NUDC: variants seen among roughly 807,000 people sequenced by gnomAD.
The protein encoded by NUDC is nuclear distribution C, dynein complex regulator.
Under a neutral mutation model 45.0 loss-of-function variants are expected in NUDC, and 14 were observed. The observed-to-expected ratio is 0.31, with a 90% CI of 0.21 to 0.49. The LOEUF (loss-of-function observed/expected upper bound fraction) is 0.49. Ranked by LOEUF, NUDC falls within the 20% of genes least tolerant of loss-of-function variation. The probability of loss-of-function intolerance (pLI) is 0.99; values close to 1 mark genes in which losing one functional copy is unlikely to be tolerated. For synonymous variants in NUDC, 153 were observed against 156.7 expected, an observed-to-expected ratio of 0.98 and a Z score of 0.17; for missense variants, 323 against 426.2, an observed-to-expected ratio of 0.76 and a Z score of 2.13.
chr1:26,914,044 C>A (rs1353950905), intron 3 of NUDC: 2 of 944,644 alleles, frequency 2.1e-6, no homozygotes, highest in Admixed American at 3.5e-5. Flanking sequence ...GCCCAACAAC[C>A]TTGACTCCAG....
Position 26,921,878 on chromosome 1 carries a change from C to G in NUDC, c.30C>G (p.Phe10Leu). MGGEQEEER[F>L]DGMLLAMAQQ... ...GCGGAGAGCAGGAGGAGGAGCGGTT[C>G]GACGGCATGTTGCTGGCCATGGCTC... The change falls in exon 1 of 9, where the codon TTC becomes TTG. Residue 10 changes from phenylalanine (F) to leucine (L), a missense_variant. Around this residue, in one of 3 missense-constraint regions of NUDC, gnomAD observed 24 missense variants for 47.2 expected, o/e 0.51. Transcript: ENST00000321265. 1 of 1,555,122 alleles carries G rather than the reference C, an allele frequency of 6.4e-7. No homozygotes were observed. The highest frequency in any genetic ancestry group is 8.7e-7 in the Non-Finnish European group (1 of 1,149,410).
chr1:26,945,495 G>T (rs1234307434), intron 7 of NUDC, 22 bp downstream of exon 7: 1 of 1,613,466 alleles, frequency 6.2e-7, no homozygotes. Context: ...CTGGTTGGGG[G>T]AGCTTCAGCA....
intron 2 of NUDC, among the ~76,000 whole-genome samples, chr1:26,930,185 G>T (rs563156692): frequency 1.3e-5 from 2 of 152,168 alleles, no homozygotes; most frequent in East Asian, 3.9e-4. Context: ...GTTTTGTTTT[G>T]AGACAGGGTC....
At chr1:26,927,204 GGGTCT>G (rs1374565073) in intron 2 of NUDC, among the ~76,000 whole-genome samples, 1 of 136,252 alleles carries the variant, frequency 7.3e-6, no homozygotes, top group African/African-American at 2.9e-5. Context: ...GTGTGTGTCA[GGGTCT>G]TGCTCTGTTG....
chr1:26,921,668 C>T (rs565076653), upstream of NUDC: 21 of 663,412 alleles, frequency 3.2e-5, no homozygotes, highest in Non-Finnish European at 5.0e-5. Flanking sequence ...TGGCCGCAAA[C>T]CGGGAGGAAG....
chr1:26,925,565 T>G (rs1320511984), intron 2 of NUDC, among the ~76,000 whole-genome samples: 28 of 136,186 alleles, frequency 2.1e-4, no homozygotes, highest in South Asian at 7.0e-4. Context: ...AAAAAAGAAA[T>G]AAATTTAGAA....
intron 3 of NUDC, chr1:26,911,458 C>T (rs1265164585): frequency 5.8e-6 from 2 of 344,572 alleles, no homozygotes; most frequent in Non-Finnish European, 5.7e-6. Context: ...CAGTCCCTTC[C>T]ATATGCACAA....
chr1:26,918,022 A>G (rs1423161850), upstream of NUDC, among the ~76,000 whole-genome samples: 1 of 152,154 alleles, frequency 6.6e-6, no homozygotes, highest in Non-Finnish European at 1.5e-5. Flanking sequence ...ATTTATTTCT[A>G]TAATTATACA....
At chr1:26,945,742 CG>C in intron 8 of NUDC, 56 bp downstream of exon 8, 1 of 1,252,782 alleles carries the variant, frequency 8.0e-7, no homozygotes, top group Non-Finnish European at 1.2e-6. Flanking sequence ...GCTTAGACTT[CG>C]GTGACAGCAG....
At chr1:26,936,167 T>TATATA (rs1557678406) in intron 2 of NUDC, among the ~76,000 whole-genome samples, 8 of 3,006 alleles carry the variant, frequency 2.7e-3, no homozygotes, top group East Asian at 9.8e-3. Flanking sequence ...ATATATATAT[T>TATATA]TTTTTTTTTT....
chr1:26,913,154 C>A (rs780487361), intron 3 of NUDC, among the ~76,000 whole-genome samples: 6 of 152,146 alleles, frequency 3.9e-5, no homozygotes, highest in Non-Finnish European at 8.8e-5. Context: ...GGAGTGGTGG[C>A]GGCCATCTGT....
intron 2 of NUDC, among the ~76,000 whole-genome samples, chr1:26,926,090 C>T (rs1343231260): frequency 6.6e-6 from 1 of 151,406 alleles, no homozygotes; most frequent in Non-Finnish European, 1.5e-5. Context: ...GATCTTGGCT[C>T]ACTGCAATGT....
rs540561495 is a variant in NUDC at position 26,906,592 on chromosome 1, G to A, written c.-16+4226G>A. 1.2e-4 allele frequency among the ~76,000 whole-genome samples: 18 copies of A among 152,294 alleles called. No individual in the cohort carries two copies. In the East Asian group the frequency reaches 1.7e-3, roughly 15 times the overall value. ...GGGCCGGGCGTGGTGGCTCACACCCGTAATCCCAGCACTTTGGGAGGCCAA... is the reference window on the plus strand; with the variant it reads ...GGGCCGGGCGTGGTGGCTCACACCCATAATCCCAGCACTTTGGGAGGCCAA... On this transcript the variant is annotated intron_variant, in intron 2 of 6. Coordinates refer to the NUDC transcript ENST00000435827.
intron 2 of NUDC, among the ~76,000 whole-genome samples, chr1:26,936,127 C>G (rs2082227793): frequency 1.2e-5 from 1 of 80,896 alleles, no homozygotes; most frequent in Non-Finnish European, 2.3e-5. Flanking sequence ...CACCACCACG[C>G]CCGGCTAATA....
intron 6 of NUDC, among the ~76,000 whole-genome samples, chr1:26,943,809 G>T (rs2082297671): frequency 6.6e-6 from 1 of 152,052 alleles, no homozygotes; most frequent in Admixed American, 6.6e-5. Flanking sequence ...AAGGGCCAAG[G>T]GTCTGAGGAG....
rs1341429778 is a variant in NUDC, at chr1:26,921,863, G to A, written c.15G>A (p.Gln5=). 2.6e-6 allele frequency: 4 copies of A among 1,554,156 alleles called. No homozygotes were observed. The highest frequency in any genetic ancestry group is 1.4e-5 in the African/African-American group (1 of 73,448). Residue 5 remains glutamine, a synonymous_variant, in exon 1 of 9, where the codon CAG becomes CAA. Transcript: ENST00000321265. MGGE[Q]EEERFDGMLL... Reference sequence around the variant, plus strand: ...GAGCCGGCGCGATGGGCGGAGAGCAGGAGGAGGAGCGGTTCGACGGCATGT... The same window carrying A: ...GAGCCGGCGCGATGGGCGGAGAGCAAGAGGAGGAGCGGTTCGACGGCATGT...
intron 1 of NUDC, 101 bp from the exon 2 acceptor site, chr1:26,923,988 C>G: frequency 1.9e-6 from 2 of 1,037,664 alleles, no homozygotes; most frequent in Non-Finnish European, 3.0e-6. Flanking sequence ...GAAAAATAGT[C>G]AAGTCCCAAG....
At chr1:26,905,170 T>A (rs1204291749) in intron 2 of NUDC, among the ~76,000 whole-genome samples, 2 of 140,004 alleles carry the variant, frequency 1.4e-5, no homozygotes, top group Non-Finnish European at 3.1e-5. Context: ...TTTTTTTTTT[T>A]TTTTTTTTGA....
At chr1:26,945,982 G>C (rs369285177) in intron 8 of NUDC, 148 bp from the exon 9 acceptor site, 1 of 798,742 alleles carries the variant, frequency 1.3e-6, no homozygotes, top group Non-Finnish European at 2.2e-6. Flanking sequence ...ACTCAAATGC[G>C]TCTCAGATAC....
Sources: allele counts gnomAD v4.1 joint callset (sites outside exome capture counted in the v4.1 genomes callset), GRCh38; gene constraint gnomAD v4.1.1; regional missense constraint gnomAD v4.1.1; transcripts MANE v1.5; gene names NCBI Gene and HGNC (gene_info 2026-07-23, HGNC 2026-07-21).